NDUFAF6: variants seen among roughly 807,000 people sequenced by gnomAD.
NDUFAF6 encodes the protein NADH:ubiquinone oxidoreductase complex assembly factor 6.
Under a neutral mutation model 40.8 loss-of-function variants are expected in NDUFAF6, and 45 were observed. That is an observed-to-expected ratio of 1.10 (90% confidence interval 0.87 to 1.42). The LOEUF (loss-of-function observed/expected upper bound fraction) is 1.42. Ranked by LOEUF, NDUFAF6 falls within the 40% of genes most tolerant of loss-of-function variation. NDUFAF6 has a pLI of 0.00. For missense variants in NDUFAF6, 435 were observed against 418.5 expected (o/e 1.04, Z -0.34); for synonymous variants, 185 against 155.9 (o/e 1.19, Z -1.39).
At chr8:95,052,911 C>A (rs768601507) in intron 8 of NDUFAF6, among the ~76,000 whole-genome samples, 5 of 152,138 alleles carry the variant, frequency 3.3e-5, no homozygotes, top group African/African-American at 4.8e-5. Flanking sequence ...TTACTTAGAA[C>A]CTTTTATGAG....
downstream of NDUFAF6, among the ~76,000 whole-genome samples, chr8:95,106,108 T>G (rs1431203896): frequency 6.6e-6 from 1 of 151,912 alleles, no homozygotes; most frequent in Non-Finnish European, 1.5e-5. Flanking sequence ...ACCCCATCTC[T>G]ACTAAAAATA....
intron 1 of NDUFAF6, among the ~76,000 whole-genome samples, chr8:94,935,128 T>TATAGATAGATAGATAG (rs56734843): frequency 0.031 from 4,476 of 144,710 alleles, 79 homozygotes; most frequent in Middle Eastern, 0.045. Flanking sequence ...GGTAGATAGA[T>TATAGATAGATAGATAG]ATAGATAGAT....
intron 1 of NDUFAF6, among the ~76,000 whole-genome samples, chr8:94,936,576 G>T (rs1820997986): frequency 6.6e-6 from 1 of 152,178 alleles, no homozygotes; most frequent in South Asian, 2.1e-4. Context: ...GAAGCCCCTA[G>T]GTTTGGGTTT....
At chr8:94,980,558 C>G (rs563833219) in intron 1 of NDUFAF6, among the ~76,000 whole-genome samples, 2 of 143,126 alleles carry the variant, frequency 1.4e-5, no homozygotes, top group South Asian at 4.4e-4. Context: ...ATTCTCCAGC[C>G]TCAGCCTCCT....
At chr8:95,018,375 C>T (rs987516718) in intron 2 of NDUFAF6, among the ~76,000 whole-genome samples, 8 of 152,182 alleles carry the variant, frequency 5.3e-5, no homozygotes, top group Admixed American at 3.9e-4. Flanking sequence ...ATCACCAATA[C>T]AGTGAGGGTT....
chr8:95,089,053 C>T lies in NDUFAF6; in HGVS notation n.214-12079C>T, dbSNP rs112808213. 2.9e-3 allele frequency among the ~76,000 whole-genome samples: 447 copies of T among 151,692 alleles called. 2 individuals are homozygous for T. The highest frequency in any genetic ancestry group is 0.01 in the African/African-American group (417 of 41,350). On this transcript the variant is annotated intron_variant and non_coding_transcript_variant, in intron 2 of 5. Coordinates refer to the NDUFAF6 transcript ENST00000523184. Reference sequence around the variant, plus strand: ...GTGGAATTACAGGCATGAGCCACCGCGCCCAGCCTTGTTTTTCTTTTTTTT... The same window carrying T: ...GTGGAATTACAGGCATGAGCCACCGTGCCCAGCCTTGTTTTTCTTTTTTTT...
intron 2 of NDUFAF6, among the ~76,000 whole-genome samples, chr8:95,007,352 T>A (rs2131663351): frequency 6.6e-6 from 1 of 151,262 alleles, no homozygotes. Context: ...AATAAGGATA[T>A]AGTTAAAATA....
chr8:95,065,453 C>T (rs1026018254), intron 9 of NDUFAF6, among the ~76,000 whole-genome samples: 1 of 152,062 alleles, frequency 6.6e-6, no homozygotes, highest in African/African-American at 2.4e-5. Context: ...TATTTTTTTC[C>T]CCCTTGGCAT....
intron 1 of NDUFAF6, chr8:94,896,358 AG>A (rs1817571599): frequency 1.4e-5 from 2 of 144,466 alleles, no homozygotes; most frequent in South Asian, 4.2e-4. Context: ...TGTTGGGAGG[AG>A]GGGGGCCCGA....
downstream of NDUFAF6, among the ~76,000 whole-genome samples, chr8:95,105,091 AG>A (rs1221143160): frequency 6.7e-6 from 1 of 150,288 alleles, no homozygotes; most frequent in Non-Finnish European, 1.5e-5. Context: ...AGAGAGAGAG[AG>A]AGAGAGAGAG....
At chr8:94,932,614 T>G (rs952177296) in intron 1 of NDUFAF6, among the ~76,000 whole-genome samples, 40 of 151,828 alleles carry the variant, frequency 2.6e-4, no homozygotes, top group Admixed American at 1.2e-3. Context: ...CCATCCTGGC[T>G]AAAACAGTGA....
At chr8:95,028,111 G>A (rs565244881) in intron 1 of NDUFAF6, among the ~76,000 whole-genome samples, 1 of 152,286 alleles carries the variant, frequency 6.6e-6, no homozygotes, top group Admixed American at 6.5e-5. Flanking sequence ...ACAGGTCCAT[G>A]GTACTAACAC....
chr8:94,940,812 TAACCA>T, intron 1 of NDUFAF6: 1 of 1,578,822 alleles, frequency 6.3e-7, no homozygotes, highest in Admixed American at 1.7e-5. Context: ...AACCACCAAG[TAACCA>T]AGTGTACCTT....
At chr8:95,063,193 A>G (rs1054662637), downstream of NDUFAF6, among the ~76,000 whole-genome samples, 2 of 152,232 alleles carry the variant, frequency 1.3e-5, no homozygotes, top group Admixed American at 1.3e-4. Flanking sequence ...GAGATTATCT[A>G]CAATGTTTCT....
At chr8:95,034,390 G>A (rs1587045346) in intron 2 of NDUFAF6, among the ~76,000 whole-genome samples, 2 of 152,024 alleles carry the variant, frequency 1.3e-5, no homozygotes, top group South Asian at 4.1e-4. Flanking sequence ...CTGGTTTCCA[G>A]TTTTCTCAAA....
At position 95,005,875 on chromosome 8, in the gene NDUFAF6, C is replaced by G. The variant is rs1318580111; in HGVS notation, c.-84+24902C>G. Reference sequence around the variant, plus strand: ...GAACCAGAATGGTTTTGCTGAGTAACTATGCATGCTTCCCCAGGAGACAAT... The same window carrying G: ...GAACCAGAATGGTTTTGCTGAGTAAGTATGCATGCTTCCCCAGGAGACAAT... On this transcript the variant is annotated intron_variant, in intron 2 of 9. Coordinates refer to the NDUFAF6 transcript ENST00000396111. Among the ~76,000 whole-genome samples the G allele has an allele frequency of 3.3e-5, 5 of 152,072 alleles. No homozygotes were observed. In the East Asian group the frequency reaches 5.8e-4, roughly 18 times the overall value.
At position 94,932,328 on chromosome 8, in the gene NDUFAF6, A is replaced by G. The variant is rs112984593; in HGVS notation, c.-935-13155A>G. Among the ~76,000 whole-genome samples, 382 of 152,356 alleles carry G rather than the reference A, an allele frequency of 2.5e-3. 4 individuals are homozygous for G. Among genetic ancestry groups the G allele is most frequent in the African/African-American group, 8.7e-3 (361 of 41,586 alleles). ...TACCCTGAAGCCCACTGTAATTACA[A>G]AGCACCTCAATTTTCTGTGCTTTAT... On this transcript the variant is annotated intron_variant, in intron 1 of 14. Coordinates refer to the NDUFAF6 transcript ENST00000396113.
chr8:95,030,919 A>G (rs541077545), intron 1 of NDUFAF6, among the ~76,000 whole-genome samples: 2 of 152,320 alleles, frequency 1.3e-5, no homozygotes, highest in Non-Finnish European at 2.9e-5. Context: ...GGTGTATCAC[A>G]TGGCAAGAGA....
At chr8:94,997,343 CAG>C (rs60911286) in intron 2 of NDUFAF6, among the ~76,000 whole-genome samples, 2,492 of 90,502 alleles carry the variant, frequency 0.028, 36 homozygotes, top group Non-Finnish European at 0.036. Flanking sequence ...CACACACACA[CAG>C]AGAGAGAGAG....
Sources: allele counts gnomAD v4.1 joint callset (sites outside exome capture counted in the v4.1 genomes callset), GRCh38; gene constraint gnomAD v4.1.1; transcripts MANE v1.5; gene names NCBI Gene and HGNC (gene_info 2026-07-23, HGNC 2026-07-21).